Variants in UBXN2B observed in about 807,000 individuals in gnomAD.
The protein encoded by UBXN2B is UBX domain protein 2B.
A neutral mutation model predicts 37.5 loss-of-function variants in UBXN2B; 19 were observed. The observed-to-expected ratio is 0.51, with a 90% CI of 0.35 to 0.74. UBXN2B has a LOEUF of 0.74. Among genes scored for constraint, UBXN2B ranks in the 30% least tolerant of loss-of-function variants. The pLI is 0.01. For synonymous variants in UBXN2B, 145 were observed against 143.8 expected, an observed-to-expected ratio of 1.01 and a Z score of -0.06; for missense variants, 370 against 393.2, an observed-to-expected ratio of 0.94 and a Z score of 0.50.
intron 2 of UBXN2B, among the ~76,000 whole-genome samples, chr8:58,429,042 A>G (rs562377174): frequency 2.0e-5 from 3 of 152,372 alleles, no homozygotes; most frequent in South Asian, 2.1e-4. Flanking sequence ...ACCTTAGAGT[A>G]GGCAAAGATT....
At chr8:58,425,757 C>T (rs1808066416) in intron 2 of UBXN2B, 1 of 1,145,442 alleles carries the variant, frequency 8.7e-7, no homozygotes, top group Admixed American at 1.7e-5. Flanking sequence ...CCCCATGTTT[C>T]CATCATAGGA....
intron 2 of UBXN2B, chr8:58,426,101 T>C (rs1194816058): frequency 1.4e-6 from 2 of 1,381,238 alleles, no homozygotes; most frequent in East Asian, 4.6e-5. Context: ...ATTCTTCTCT[T>C]TTAATTGCCC....
At position 58,446,063 on chromosome 8, in the gene UBXN2B, A is replaced by G; in HGVS notation, c.828A>G (p.Thr276=). 1 of 1,608,464 alleles carries G rather than the reference A, an allele frequency of 6.2e-7. No homozygotes were observed. Among genetic ancestry groups the G allele is most frequent in the East Asian group, 2.2e-5 (1 of 44,602 alleles). Residue 276 remains threonine, a synonymous_variant, in exon 7 of 8, where the codon ACA becomes ACG. Transcript: ENST00000399598. ...GTTTGATACAAAGATTCAATAGTAC[A>G]CACAGGTAAGCTTCTTTACCAACAG... The part of the protein sequence containing the change: ...GSRLIQRFNS[T]HRILDVRNFI...
Position 58,416,932 on chromosome 8 carries a change from G to T in UBXN2B, c.167G>T (p.Ser56Ile), listed in dbSNP as rs1474763748. 1 of 1,607,062 alleles carries T rather than the reference G, an allele frequency of 6.2e-7. No individual in the cohort carries two copies. Among genetic ancestry groups the T allele is most frequent in the East Asian group, 2.2e-5 (1 of 44,696 alleles). ...AGACCTAAAGCCACAGTCTTCAAGA[G>T]CCCACGGACACCACCTCAACGGTAA... ...SNRPKATVFK[S>I]PRTPPQRFYS... The change falls in exon 2 of 8, where the codon AGC becomes ATC. Residue 56 changes from serine (S) to isoleucine (I), a missense_variant. Ser to Ile is a moderately radical substitution (Grantham distance 142). Coordinates refer to ENST00000399598, the MANE Select transcript of UBXN2B (RefSeq NM_001077619.2).
chr8:58,435,706 C>T (rs984017293), intron 5 of UBXN2B, among the ~76,000 whole-genome samples: 7 of 152,062 alleles, frequency 4.6e-5, no homozygotes, highest in Non-Finnish European at 8.8e-5. Flanking sequence ...TGAAAATAAA[C>T]CACAAACTTT....
intron 5 of UBXN2B, among the ~76,000 whole-genome samples, chr8:58,437,318 CTTTTTTTTTTTTTTT>C (rs773987509): frequency 1.1e-4 from 8 of 74,264 alleles, no homozygotes; most frequent in Admixed American, 4.6e-4. Flanking sequence ...GAAGAAATTT[CTTTTTTTTTTTTTTT>C]TTTTTTTTTT....
At chr8:58,424,854 C>A in intron 2 of UBXN2B, 2 of 1,334,112 alleles carry the variant, frequency 1.5e-6, no homozygotes, top group Non-Finnish European at 2.2e-6. Flanking sequence ...GTGTTTCTGT[C>A]TGGACCATCC....
At position 58,448,753 on chromosome 8, in the gene UBXN2B, C is replaced by G. The variant is rs1421060377; in HGVS notation, c.*1202C>G. 1 of 152,386 alleles carries G rather than the reference C, an allele frequency of 6.6e-6. No individual in the cohort carries two copies. The highest frequency in any genetic ancestry group is 1.5e-5 in the Non-Finnish European group (1 of 68,000). 9.4% of individuals were successfully genotyped at this position (152,386 alleles called of 1,614,324 possible). On this transcript the variant is annotated 3_prime_UTR_variant, in exon 8 of 8. Coordinates refer to ENST00000399598, the MANE Select transcript of UBXN2B (RefSeq NM_001077619.2). ...TAAATGTTTGCATTTCTGCTGAAGC[C>G]AGAAGCTTTTCCTTCTTCCTAGACA... is the stretch of plus-strand genomic sequence containing the variant.
intron 7 of UBXN2B, among the ~76,000 whole-genome samples, chr8:58,446,736 A>G (rs1358019710): frequency 7.6e-6 from 1 of 131,216 alleles, no homozygotes; most frequent in Non-Finnish European, 1.6e-5. Context: ...TCTGGGTCAT[A>G]TGCTGCTAAC....
At position 58,424,686 on chromosome 8, in the gene UBXN2B, G is replaced by GC. The variant is rs1001736804; in HGVS notation, c.189-5832dup. ...GCACAGCGTGGAGTTGGAGTACAAG[G>GC]CGGGGGGGGGGGCTCTGATCTCCAC... On this transcript the variant is annotated intron_variant, in intron 2 of 7. Transcript: ENST00000399598. 22 of 1,186,920 alleles carry GC rather than the reference G, an allele frequency of 1.9e-5. No homozygotes were observed. In the African/African-American group the frequency reaches 2.0e-4, roughly 11 times the overall value. 73.5% of individuals were successfully genotyped at this position (1,186,920 alleles called of 1,614,324 possible).
At chr8:58,426,093 T>A in intron 2 of UBXN2B, 2 of 1,387,470 alleles carry the variant, frequency 1.4e-6, no homozygotes, top group Non-Finnish European at 2.0e-6. Context: ...ACATCTCCAT[T>A]CTTCTCTTTT....
rs191420130 is a variant in UBXN2B at position 58,418,189 on chromosome 8, C to T, written c.188+1236C>T. On this transcript the variant is annotated intron_variant, in intron 2 of 7. Coordinates refer to ENST00000399598, the MANE Select transcript of UBXN2B (RefSeq NM_001077619.2). ...TTGGGAGGCAGAAGTTGCAGAGAGCCGAGATGGCGCGACTGCACTCCAGCC... is the reference window on the plus strand; with the variant it reads ...TTGGGAGGCAGAAGTTGCAGAGAGCTGAGATGGCGCGACTGCACTCCAGCC... 2.0e-3 allele frequency among the ~76,000 whole-genome samples: 284 copies of T among 144,822 alleles called. 2 individuals carry two copies. Among genetic ancestry groups the T allele is most frequent in the African/African-American group, 7.3e-3 (278 of 38,154 alleles).
In UBXN2B at chr8:58,434,717, G is replaced by A. The variant is rs1044547911; in HGVS notation, c.533+213G>A. ...TGGTTCTTAATTTTGTGGGCCAGGG[G>A]CATTGGACATTGGCCCATTTTAAAA... is the stretch of plus-strand genomic sequence containing the variant. On this transcript the variant is annotated intron_variant, in intron 5 of 7. Transcript: ENST00000399598. 1.9e-5 allele frequency: 25 copies of A among 1,337,560 alleles called. No individual in the cohort carries two copies. In the African/African-American group the frequency reaches 2.4e-4, roughly 13 times the overall value. 82.9% of individuals were successfully genotyped at this position (1,337,560 alleles called of 1,614,324 possible). A position where few individuals can be genotyped will look rare whatever the true frequency, so the allele number is the denominator to read the frequency against.
rs947871004 is a variant in UBXN2B at position 58,451,444 on chromosome 8, G to A, written c.*3893G>A. The A allele has an allele frequency of 2.6e-5, 4 of 152,182 alleles. No homozygotes were observed. The highest frequency in any genetic ancestry group is 9.7e-5 in the African/African-American group (4 of 41,434). 9.4% of individuals were successfully genotyped at this position (152,182 alleles called of 1,614,324 possible). A position where few individuals can be genotyped will look rare whatever the true frequency, so the allele number is the denominator to read the frequency against. On this transcript the variant is annotated 3_prime_UTR_variant, in exon 8 of 8. Coordinates refer to ENST00000399598, the MANE Select transcript of UBXN2B (RefSeq NM_001077619.2). ...AGGTCAGTCATTTTGCATGATGTAT[G>A]TAATCAAAAAGTTTGAAATGTCTGC... is the stretch of plus-strand genomic sequence containing the variant.
Position 58,433,833 on chromosome 8 carries a change from G to T in UBXN2B, c.424-562G>T, listed in dbSNP as rs1005387539. Among the ~76,000 whole-genome samples the T allele has an allele frequency of 1.1e-4, 17 of 151,840 alleles. 2 individuals are homozygous for T. Among genetic ancestry groups the T allele is most frequent in the Admixed American group, 7.2e-4 (11 of 15,222 alleles). On this transcript the variant is annotated intron_variant, in intron 4 of 7. Transcript: ENST00000399598. ...CAAATATATAGTTATTATTATAAATGGTATATTTTCATAATCTAAAATGAG... is the reference window on the plus strand; with the variant it reads ...CAAATATATAGTTATTATTATAAATTGTATATTTTCATAATCTAAAATGAG...
At chr8:58,430,811 T>C (rs982093851) in intron 3 of UBXN2B, 142 bp downstream of exon 3, 11 of 692,222 alleles carry the variant, frequency 1.6e-5, no homozygotes, top group Non-Finnish European at 2.2e-5. Context: ...TTATAATATT[T>C]CTATTAATGA....
At chr8:58,440,256 G>A (rs1585617295) in intron 6 of UBXN2B, among the ~76,000 whole-genome samples, 1 of 152,216 alleles carries the variant, frequency 6.6e-6, no homozygotes, top group Non-Finnish European at 1.5e-5. Context: ...TTGTCGATGA[G>A]ATAAAATAAT....
At chr8:58,433,348 T>G in intron 4 of UBXN2B, 105 bp downstream of exon 4, 1 of 912,416 alleles carries the variant, frequency 1.1e-6, no homozygotes, top group Non-Finnish European at 1.6e-6. Context: ...TTTTTGTTAC[T>G]TTTTAAAACA....
intron 2 of UBXN2B, chr8:58,424,554 A>G (rs1474574728): frequency 2.4e-5 from 22 of 923,630 alleles, no homozygotes; most frequent in Non-Finnish European, 3.7e-5. Flanking sequence ...TGAAGTCCAC[A>G]TCTATTTTTG....
Sources: gnomAD v4.1 joint callset for allele counts (sites outside exome capture counted in the v4.1 genomes callset) on GRCh38, gnomAD v4.1.1 for gene constraint, MANE v1.5 for transcripts, NCBI Gene and HGNC (gene_info 2026-07-23, HGNC 2026-07-21) for gene names.